The following KLHL8 variants were observed in gnomAD, a reference collection of about 807,000 sequenced individuals.
The protein encoded by KLHL8 is kelch like family member 8, also known as kelch-like protein 8.
In KLHL8, 38 loss-of-function variants were observed where a neutral mutation model predicts 63.5. The observed-to-expected ratio is 0.60, with a 90% confidence interval of 0.46 to 0.78. The LOEUF (loss-of-function observed/expected upper bound fraction) is 0.78, where lower values mean the gene tolerates loss of function less well. Among genes scored for constraint, KLHL8 ranks in the 30% least tolerant of loss-of-function variants. KLHL8 has a pLI of 0.00. For missense variants in KLHL8, 566 were observed against 752.4 expected (o/e 0.75, Z 2.90); for synonymous variants, 224 against 254.3 (o/e 0.88, Z 1.13).
intron 1 of KLHL8, among the ~76,000 whole-genome samples, chr4:87,217,599 G>A (rs1245822929): frequency 6.6e-6 from 1 of 151,260 alleles, no homozygotes; most frequent in Non-Finnish European, 1.5e-5. Flanking sequence ...GCCTGCTTTG[G>A]CTTCTGAAAG....
At chr4:87,197,516 G>A (rs888974053) in intron 1 of KLHL8, among the ~76,000 whole-genome samples, 12 of 152,158 alleles carry the variant, frequency 7.9e-5, no homozygotes, top group African/African-American at 2.9e-4. Flanking sequence ...ATACAGCCTG[G>A]CCAATAGCTT....
chr4:87,173,075 A>G (rs1269377690), intron 6 of KLHL8, among the ~76,000 whole-genome samples: 1 of 152,170 alleles, frequency 6.6e-6, no homozygotes, highest in African/African-American at 2.4e-5. Flanking sequence ...ACATTGGACC[A>G]CTTTCATGCT....
rs779438292 is a variant in KLHL8, at chr4:87,183,315, T to C, written c.840A>G (p.Leu280=). ...VAKEQIVKQN[L]KCRDLLDEAR... ...CTTCATCCAGTAAATCTCTACATTT[T>C]AGATTTTGCTTGACAATCTGTTCTT... The change falls in exon 4 of 10, where the codon CTA becomes CTG. Residue 280 remains leucine, a synonymous_variant. Transcript: ENST00000273963. The C allele has an allele frequency of 6.2e-7, 1 of 1,613,538 alleles. No individual in the cohort carries two copies. Among genetic ancestry groups the C allele is most frequent in the Non-Finnish European group, 8.5e-7 (1 of 1,179,564 alleles).
intron 1 of KLHL8, among the ~76,000 whole-genome samples, chr4:87,227,334 G>A (rs144330206): frequency 0.014 from 2,122 of 152,064 alleles, 52 homozygotes; most frequent in African/African-American, 0.049. Context: ...TAGCCATCTT[G>A]GACCATAGAG....
chr4:87,229,476 C>T (rs984106249), intron 1 of KLHL8, among the ~76,000 whole-genome samples: 1 of 148,098 alleles, frequency 6.8e-6, no homozygotes, highest in African/African-American at 2.5e-5. Flanking sequence ...ACTCTGTCAC[C>T]TAGGCTGGAG....
intron 1 of KLHL8, among the ~76,000 whole-genome samples, chr4:87,203,380 A>C (rs1238807445): frequency 6.6e-6 from 1 of 152,128 alleles, no homozygotes; most frequent in African/African-American, 2.4e-5. Context: ...TACTAAAAAA[A>C]TACAAAAATT....
chr4:87,205,410 AAAACACAC>A (rs1436497317), intron 1 of KLHL8, among the ~76,000 whole-genome samples: 1 of 64,610 alleles, frequency 1.5e-5, no homozygotes, highest in Non-Finnish European at 3.4e-5. Context: ...CTGACTCAAG[AAAACACAC>A]ACACACACAC....
intron 8 of KLHL8, among the ~76,000 whole-genome samples, chr4:87,165,450 G>A (rs1451989061): frequency 6.6e-6 from 1 of 152,054 alleles, no homozygotes; most frequent in Non-Finnish European, 1.5e-5. Context: ...CTGAAGTGCA[G>A]TAACACAATC....
At chr4:87,173,930 A>AG (rs1210301599) in intron 6 of KLHL8, among the ~76,000 whole-genome samples, 3 of 151,652 alleles carry the variant, frequency 2.0e-5, no homozygotes, top group Non-Finnish European at 2.9e-5. Context: ...CTTTTTCATG[A>AG]GGGGAAAAAA....
At chr4:87,181,980 G>A (rs1256103940) in intron 4 of KLHL8, among the ~76,000 whole-genome samples, 1 of 152,040 alleles carries the variant, frequency 6.6e-6, no homozygotes, top group East Asian at 1.9e-4. Context: ...TGTAATCCCA[G>A]CACTTCGGGA....
At chr4:87,214,415 G>GATAT (rs58112792) in intron 1 of KLHL8, among the ~76,000 whole-genome samples, 1,964 of 92,310 alleles carry the variant, frequency 0.021, 126 homozygotes, top group Non-Finnish European at 0.029. Context: ...GCACATAACA[G>GATAT]ATATATATAT....
At chr4:87,174,796 C>A (rs1032014412) in intron 6 of KLHL8, among the ~76,000 whole-genome samples, 1 of 152,130 alleles carries the variant, frequency 6.6e-6, no homozygotes, top group Non-Finnish European at 1.5e-5. Context: ...AATTTAATCT[C>A]CCATTTGGTG....
chr4:87,163,720 CTA>C (rs1730265025), intron 9 of KLHL8, 78 bp from the exon 10 acceptor site: 1 of 1,581,272 alleles, frequency 6.3e-7, no homozygotes, highest in African/African-American at 1.4e-5. Flanking sequence ...CAAAAATTCC[CTA>C]TGTGAGACTG....
chr4:87,188,714 G>A (rs1731356633), intron 2 of KLHL8, among the ~76,000 whole-genome samples: 1 of 151,358 alleles, frequency 6.6e-6, no homozygotes, highest in Non-Finnish European at 1.5e-5. Flanking sequence ...TCTTTCTCTG[G>A]TACAAAAAAA....
At chr4:87,207,770 C>A in intron 1 of KLHL8, 1 of 862,408 alleles carries the variant, frequency 1.2e-6, no homozygotes. Flanking sequence ...GGGAAGCTCA[C>A]TGGCATGGCC....
chr4:87,198,863 G>C (rs145582739), intron 1 of KLHL8, among the ~76,000 whole-genome samples: 1 of 152,294 alleles, frequency 6.6e-6, no homozygotes, highest in African/African-American at 2.4e-5. Context: ...CAACAACCAA[G>C]AGGTAGAAGC....
chr4:87,225,902 ACC>A (rs1352858563), intron 1 of KLHL8, among the ~76,000 whole-genome samples: 1 of 151,976 alleles, frequency 6.6e-6, no homozygotes, highest in African/African-American at 2.4e-5. Context: ...ACTCCATCAT[ACC>A]CAAGTCTAAT....
chr4:87,232,900 G>GT (rs954373089), intron 1 of KLHL8, among the ~76,000 whole-genome samples: 7 of 150,604 alleles, frequency 4.6e-5, no homozygotes, highest in South Asian at 2.1e-4. Context: ...TTTCCAATTA[G>GT]TTTTTTTTAG....
At chr4:87,174,381 C>T (rs958470740) in intron 6 of KLHL8, among the ~76,000 whole-genome samples, 1 of 151,708 alleles carries the variant, frequency 6.6e-6, no homozygotes, top group Non-Finnish European at 1.5e-5. Flanking sequence ...TGGGTTCAAG[C>T]GATTCTCATG....
Sources: allele counts gnomAD v4.1 joint callset (sites outside exome capture counted in the v4.1 genomes callset), GRCh38; gene constraint gnomAD v4.1.1; transcripts MANE v1.5; gene names NCBI Gene and HGNC (gene_info 2026-07-23, HGNC 2026-07-21).